The following ACTR5 variants were observed in gnomAD, a reference collection of about 807,000 sequenced individuals.
ACTR5 encodes actin-related protein 5.
In ACTR5, 43 loss-of-function variants were observed where a neutral mutation model predicts 61.2. The ratio of observed to expected loss-of-function variants is 0.70; its 90% CI spans 0.55 to 0.91. The LOEUF (loss-of-function observed/expected upper bound fraction) is 0.91. ACTR5 is among the 40% of genes least tolerant of loss of function. ACTR5 has a pLI of 0.00. For missense variants in ACTR5, 798 were observed against 782.2 expected (o/e 1.02, Z -0.24); for synonymous variants, 333 against 310.5 (o/e 1.07, Z -0.76).
chr20:38,749,928 CA>C, intron 1 of ACTR5, 81 bp from the exon 2 acceptor site: 1 of 1,230,236 alleles, frequency 8.1e-7, no homozygotes, highest in Non-Finnish European at 1.1e-6. Flanking sequence ...TTCAGTCCTG[CA>C]ATAAGGATTT....
At chr20:38,751,014 A>C (rs986212784) in intron 2 of ACTR5, among the ~76,000 whole-genome samples, 1 of 152,182 alleles carries the variant, frequency 6.6e-6, no homozygotes, top group Non-Finnish European at 1.5e-5. Context: ...AATATTTTCA[A>C]GTTGAATAAA....
chr20:38,749,675 T>C (rs1294951838), intron 1 of ACTR5, among the ~76,000 whole-genome samples: 5 of 152,174 alleles, frequency 3.3e-5, no homozygotes, highest in African/African-American at 1.2e-4. Context: ...TAGGAGGCTG[T>C]TGGAATAACC....
chr20:38,764,439 C>T (rs1417556895), intron 5 of ACTR5, among the ~76,000 whole-genome samples: 3 of 152,188 alleles, frequency 2.0e-5, no homozygotes, highest in Non-Finnish European at 2.9e-5. Flanking sequence ...CCACCACCAT[C>T]CCCAACTTAT....
intron 5 of ACTR5, chr20:38,761,680 A>T (rs1472199266): frequency 6.5e-6 from 1 of 153,110 alleles, no homozygotes; most frequent in African/African-American, 2.4e-5. Context: ...GAGGACGACC[A>T]TCCCCAATAG....
At position 38,766,346 on chromosome 20, in the gene ACTR5, A is replaced by G. The variant is rs975077207; in HGVS notation, c.1402A>G (p.Ile468Val). ...PSLIGEEQAG[I>V]AETLQYILDR... ...TCTCATAGGAGAAGAACAGGCTGGG[A>G]TTGCAGAGACTCTTCAGTACATTCT... is the stretch of plus-strand genomic sequence containing the variant. Residue 468 changes from isoleucine (I) to valine (V), a missense_variant, in exon 7 of 9, where the codon ATT (isoleucine) becomes GTT (valine). Ile to Val is a conservative substitution (Grantham distance 29, BLOSUM62 3). Coordinates refer to ENST00000243903, the MANE Select transcript of ACTR5 (RefSeq NM_024855.4). 4 of 1,612,800 alleles carry G rather than the reference A, an allele frequency of 2.5e-6. No homozygotes were observed. Among genetic ancestry groups the G allele is most frequent in the Non-Finnish European group, 1.7e-6 (2 of 1,179,712 alleles).
chr20:38,759,121 A>G (rs945948890), intron 5 of ACTR5, among the ~76,000 whole-genome samples: 1 of 152,210 alleles, frequency 6.6e-6, no homozygotes, highest in Non-Finnish European at 1.5e-5. Context: ...GAGGGGGGAG[A>G]ACACAGGTTT....
At chr20:38,767,336 A>ATTTT in intron 7 of ACTR5, 128 bp from the exon 8 acceptor site, 1 of 688,592 alleles carries the variant, frequency 1.5e-6, no homozygotes, top group Non-Finnish European at 2.1e-6. Context: ...GAAAGTTTTG[A>ATTTT]TTTTTTTTTT....
chr20:38,767,362 T>A, intron 7 of ACTR5, 102 bp from the exon 8 acceptor site: 1 of 1,046,682 alleles, frequency 9.6e-7, no homozygotes, highest in Non-Finnish European at 1.3e-6. Context: ...GCTTTTTGTG[T>A]AGAAGTTTTT....
intron 2 of ACTR5, 99 bp from the exon 3 acceptor site, chr20:38,752,028 CTGTT>C: frequency 7.7e-7 from 1 of 1,299,004 alleles, no homozygotes; most frequent in East Asian, 2.5e-5. Flanking sequence ...TCCTGCTGGT[CTGTT>C]TCTTCTTTAT....
intron 3 of ACTR5, among the ~76,000 whole-genome samples, chr20:38,753,618 A>G (rs1193470817): frequency 1.3e-5 from 2 of 152,144 alleles, no homozygotes; most frequent in Non-Finnish European, 2.9e-5. Context: ...ATGTGCTTGC[A>G]TGGTATGTCT....
At position 38,765,389 on chromosome 20, in the gene ACTR5, C is replaced by T. The variant is rs10485651; in HGVS notation, c.1177-13C>T. 0.078 allele frequency: 125,748 copies of T among 1,605,112 alleles called. 5,199 individuals are homozygous for T. The highest frequency in any genetic ancestry group is 0.13 in the African/African-American group (9,356 of 74,758). On this transcript the variant is annotated splice_polypyrimidine_tract_variant and intron_variant, in intron 5 of 8. Coordinates refer to ENST00000243903, the MANE Select transcript of ACTR5 (RefSeq NM_024855.4). ...AAGGTACAGGTTCTGTTTCATTTTG[C>T]TCCTTCTCTTAGACCCCTGACCTGG...
intron 5 of ACTR5, among the ~76,000 whole-genome samples, chr20:38,759,362 GGCAAACTCTA>G (rs2084439810): frequency 7.0e-6 from 1 of 142,364 alleles, no homozygotes; most frequent in Non-Finnish European, 1.6e-5. Context: ...TGGAGACCCT[GGCAAACTCTA>G]GCGAGAGAGA....
chr20:38,765,879 G>A (rs1388656668), intron 6 of ACTR5, among the ~76,000 whole-genome samples: 1 of 152,202 alleles, frequency 6.6e-6, no homozygotes. Context: ...CAGATAAACT[G>A]TCCTGAGTCT....
chr20:38,764,827 G>A (rs2244937), intron 5 of ACTR5, among the ~76,000 whole-genome samples: 66,392 of 151,886 alleles, frequency 0.44, 14,586 homozygotes, highest in Middle Eastern at 0.5. Context: ...TCACCACCAC[G>A]CCCAGCTAAT....
chr20:38,769,660 G>A (rs578028303), intron 8 of ACTR5, among the ~76,000 whole-genome samples: 5 of 152,282 alleles, frequency 3.3e-5, no homozygotes, highest in African/African-American at 9.6e-5. Context: ...CTGGATGAGC[G>A]CTCGGTGGGT....
Position 38,767,500 on chromosome 20 carries a change from C to T in ACTR5, c.1470C>T (p.Asn490=), listed in dbSNP as rs756527007. The part of the protein sequence containing the change: ...PKDIQEMLVQ[N]VFLTGGNTMY... ...ACATTCAGGAAATGCTGGTTCAGAA[C>T]GTTTTCCTCACTGGCGGCAACACGA... Residue 490 remains asparagine (N), a synonymous_variant, in exon 8 of 9, where the codon AAC becomes AAT. Transcript: ENST00000243903. 17 of 1,614,070 alleles carry T rather than the reference C, an allele frequency of 1.1e-5. No homozygotes were observed. Among genetic ancestry groups the T allele is most frequent in the East Asian group, 2.2e-5 (1 of 44,880 alleles).
chr20:38,770,651 C>T (rs1005957249), intron 8 of ACTR5, among the ~76,000 whole-genome samples: 1 of 152,036 alleles, frequency 6.6e-6, no homozygotes, highest in Non-Finnish European at 1.5e-5. Flanking sequence ...TACTCTGTAC[C>T]AGGCAGCATC....
chr20:38,769,233 A>C (rs955901478), intron 8 of ACTR5, among the ~76,000 whole-genome samples: 1 of 152,168 alleles, frequency 6.6e-6, no homozygotes, highest in Non-Finnish European at 1.5e-5. Context: ...CCTGGAAATC[A>C]CTTCCTCCAG....
intron 5 of ACTR5, among the ~76,000 whole-genome samples, chr20:38,758,247 G>C (rs1196892428): frequency 1.3e-5 from 2 of 152,128 alleles, no homozygotes; most frequent in African/African-American, 4.8e-5. Flanking sequence ...ATACTCAGTA[G>C]GTACCTACTT....
Sources: gnomAD v4.1 joint callset for allele counts (sites outside exome capture counted in the v4.1 genomes callset) on GRCh38, gnomAD v4.1.1 for gene constraint, MANE v1.5 for transcripts, NCBI Gene and HGNC (gene_info 2026-07-23, HGNC 2026-07-21) for gene names.